The following SEC23IP variants were observed in gnomAD, a reference collection of about 807,000 sequenced individuals.
The protein encoded by SEC23IP is SEC23-interacting protein.
SEC23IP carries 70 observed loss-of-function variants against 113.4 expected under a neutral mutation model. The observed-to-expected ratio is 0.62, with a 90% confidence interval of 0.51 to 0.75. SEC23IP has a LOEUF of 0.75. Among genes scored for constraint, SEC23IP ranks in the 30% least tolerant of loss-of-function variants. SEC23IP has a pLI of 0.00. For synonymous variants in SEC23IP, 398 were observed against 421.0 expected (o/e 0.95, Z 0.67); for missense variants, 1,160 against 1,204.9 (o/e 0.96, Z 0.55).
chr10:119,934,268 T>C (rs1475168816), intron 18 of SEC23IP, among the ~76,000 whole-genome samples: 1 of 152,194 alleles, frequency 6.6e-6, no homozygotes, highest in East Asian at 1.9e-4. Context: ...ATTCACAACA[T>C]GAATAAGAGG....
Position 119,919,503 on chromosome 10 carries a change from A to G in SEC23IP, c.1932A>G (p.Lys644=). The change falls in exon 11 of 19, where the codon AAA becomes AAG. Residue 644 remains lysine, a synonymous_variant. Transcript: ENST00000369075. ...CGTATGACCTTGTTGTTGAAAATAA[A>G]GAAGTCCTAACTTTGCAAGAAACTC... The part of the protein sequence containing the change: ...DESYDLVVEN[K]EVLTLQETLE... The G allele has an allele frequency of 6.2e-7, 1 of 1,613,578 alleles. No individual in the cohort carries two copies.
At chr10:119,896,675 T>G (rs961697394) in intron 1 of SEC23IP, among the ~76,000 whole-genome samples, 9 of 152,086 alleles carry the variant, frequency 5.9e-5, no homozygotes, top group Non-Finnish European at 1.3e-4. Context: ...AGGGTAGCAG[T>G]ATATGGAGAG....
chr10:119,898,894 G>A lies in SEC23IP; in HGVS notation c.631G>A (p.Ala211Thr). The A allele has an allele frequency of 6.2e-7, 1 of 1,605,106 alleles. No homozygotes were observed. The highest frequency in any genetic ancestry group is 8.5e-7 in the Non-Finnish European group (1 of 1,179,786). The change falls in exon 2 of 19, where the codon GCT becomes ACT. Residue 211 changes from alanine to threonine, a missense_variant. Coordinates refer to ENST00000369075, the MANE Select transcript of SEC23IP (RefSeq NM_007190.4). ...LQQCQTPGPP[A>T]HPPPSGPPVQ... ...GCAGTGCCAAACACCAGGCCCTCCT[G>A]CTCATCCTCCACCTTCTGGACCCCC...
chr10:119,893,593 C>G (rs530899431), intron 1 of SEC23IP, among the ~76,000 whole-genome samples: 1 of 146,806 alleles, frequency 6.8e-6, no homozygotes, highest in Non-Finnish European at 1.5e-5. Flanking sequence ...GATCTCGGCT[C>G]ACTGCAGCCT....
At chr10:119,914,691 T>G (rs1854988185) in intron 6 of SEC23IP, 39 bp from the exon 7 acceptor site, 3 of 1,528,644 alleles carry the variant, frequency 2.0e-6, no homozygotes, top group Admixed American at 3.4e-5. Flanking sequence ...CCAAACAAAT[T>G]CCCATCTTTT....
chr10:119,934,762 G>A (rs529711058), intron 18 of SEC23IP, among the ~76,000 whole-genome samples: 26 of 152,306 alleles, frequency 1.7e-4, no homozygotes, highest in African/African-American at 6.0e-4. Flanking sequence ...TTTTAGAGAG[G>A]TAAGTACTTT....
intron 1 of SEC23IP, 135 bp from the exon 2 acceptor site, chr10:119,898,289 CTGT>C (rs780966917): frequency 1.5e-6 from 2 of 1,329,006 alleles, no homozygotes; most frequent in Non-Finnish European, 1.9e-6. Context: ...AAAGAAAAAA[CTGT>C]TTTTTTCTGT....
chr10:119,937,819 G>A (rs1433816214), intron 18 of SEC23IP, among the ~76,000 whole-genome samples: 4 of 151,826 alleles, frequency 2.6e-5, no homozygotes, highest in Non-Finnish European at 5.9e-5. Context: ...ATTGAATAAT[G>A]TACCCTTTTG....
intron 1 of SEC23IP, 78 bp from the exon 2 acceptor site, chr10:119,898,349 C>G: frequency 6.9e-7 from 1 of 1,448,118 alleles, no homozygotes; most frequent in East Asian, 2.5e-5. Flanking sequence ...AGTATAATTG[C>G]TAGCCCTTCC....
chr10:119,927,923 A>C (rs1272395334), intron 13 of SEC23IP, among the ~76,000 whole-genome samples: 1 of 152,210 alleles, frequency 6.6e-6, no homozygotes, highest in African/African-American at 2.4e-5. Context: ...GAGAGACATC[A>C]ATCTGTATTC....
chr10:119,919,289 T>C (rs1289718939), intron 10 of SEC23IP, among the ~76,000 whole-genome samples, 155 bp from the exon 11 acceptor site: 7 of 152,204 alleles, frequency 4.6e-5, no homozygotes, highest in Admixed American at 1.3e-4. Context: ...CCACTGGGCC[T>C]GGCCAGAATA....
Position 119,918,410 on chromosome 10 carries a change from G to T in SEC23IP, c.1771G>T (p.Asp591Tyr). ...GHSLGSLILF[D>Y]ILSNQKDLNL... The stretch of plus-strand genomic sequence containing the variant: ...TTTCATAGGTTCTTTAATATTGTTT[G>T]ACATCCTGTCTAATCAAAAAGATTT... Residue 591 changes from aspartate to tyrosine, a missense_variant, in exon 10 of 19, where the codon GAC (aspartate) becomes TAC (tyrosine). Asp to Tyr is a radical substitution (Grantham distance 160, BLOSUM62 -3). Coordinates refer to ENST00000369075, the MANE Select transcript of SEC23IP (RefSeq NM_007190.4). 6.2e-7 allele frequency: 1 copy of T among 1,604,050 alleles called. No individual in the cohort carries two copies. The highest frequency in any genetic ancestry group is 8.5e-7 in the Non-Finnish European group (1 of 1,171,224).
At chr10:119,905,202 G>A (rs35241512) in intron 4 of SEC23IP, among the ~76,000 whole-genome samples, 8,155 of 151,940 alleles carry the variant, frequency 0.054, 398 homozygotes, top group South Asian at 0.24. Context: ...AAAGAAAAAA[G>A]TGTAAAGGAA....
chr10:119,926,003 A>C, intron 12 of SEC23IP, 33 bp from the exon 13 acceptor site: 2 of 1,562,900 alleles, frequency 1.3e-6, no homozygotes, highest in Non-Finnish European at 1.7e-6. Context: ...ACTTTTTCTC[A>C]TGATTATGTT....
intron 3 of SEC23IP, 30 bp downstream of exon 3, chr10:119,903,039 T>A (rs772892722): frequency 1.3e-6 from 2 of 1,529,710 alleles, no homozygotes; most frequent in East Asian, 4.5e-5. Context: ...CATTCATATC[T>A]GATTTTAGGA....
intron 3 of SEC23IP, among the ~76,000 whole-genome samples, chr10:119,903,397 C>G (rs1057171862): frequency 3.9e-5 from 6 of 152,150 alleles, no homozygotes; most frequent in African/African-American, 7.2e-5. Flanking sequence ...GGAAATGCTG[C>G]TCTCTGTATC....
chr10:119,904,081 T>C lies in SEC23IP; in HGVS notation c.908-3T>C, dbSNP rs1468452587. The C allele has an allele frequency of 6.2e-7, 1 of 1,613,082 alleles. No individual in the cohort carries two copies. The highest frequency in any genetic ancestry group is 8.5e-7 in the Non-Finnish European group (1 of 1,179,346). ...TAGGAAAAGTGTTAATTTTGTTCTC[T>C]AGTTCAGCCAGATCCGGAGAGCGTG... On this transcript the variant is annotated splice_polypyrimidine_tract_variant and splice_region_variant and intron_variant, in intron 3 of 18. Transcript: ENST00000369075.
intron 6 of SEC23IP, among the ~76,000 whole-genome samples, chr10:119,913,892 C>G (rs1854958422): frequency 6.6e-6 from 1 of 151,956 alleles, no homozygotes; most frequent in Admixed American, 6.6e-5. Context: ...TGGCTCACGC[C>G]TGTAATCCCA....
At chr10:119,896,388 T>C (rs1338389045) in intron 1 of SEC23IP, among the ~76,000 whole-genome samples, 1 of 152,212 alleles carries the variant, frequency 6.6e-6, no homozygotes, top group Non-Finnish European at 1.5e-5. Context: ...TCTGAATGAA[T>C]GTTGGCAAAC....
Sources: allele counts gnomAD v4.1 joint callset (sites outside exome capture counted in the v4.1 genomes callset), GRCh38; gene constraint gnomAD v4.1.1; transcripts MANE v1.5; gene names NCBI Gene and HGNC (gene_info 2026-07-23, HGNC 2026-07-21).